Variants in TBC1D23 observed in about 807,000 individuals in gnomAD.
TBC1D23 encodes the protein TBC1 domain family member 23.
TBC1D23 carries 55 observed loss-of-function variants against 91.4 expected under a neutral mutation model. That is an observed-to-expected ratio of 0.60 (90% CI 0.48 to 0.75). The LOEUF is 0.75. Among genes scored for constraint, TBC1D23 ranks in the 30% least tolerant of loss-of-function variants. The pLI is 0.00. For synonymous variants in TBC1D23, 289 were observed against 281.0 expected, an observed-to-expected ratio of 1.03 and a Z score of -0.28; for missense variants, 725 against 836.1, an observed-to-expected ratio of 0.87 and a Z score of 1.64.
In TBC1D23 at chr3:100,287,889, G is replaced by C. The variant is rs182682888; in HGVS notation, c.477-2689G>C. Among the ~76,000 whole-genome samples, 558 of 151,802 alleles carry C rather than the reference G, an allele frequency of 3.7e-3. 5 individuals carry two copies. Among genetic ancestry groups the C allele is most frequent in the African/African-American group, 0.013 (535 of 41,394 alleles). On this transcript the variant is annotated intron_variant, in intron 4 of 18. Transcript: ENST00000394144. ...CCTCCTCAGCCTCCTGAGTAGCTGG[G>C]ACTACACGTACATGCCACTCTGCCC...
chr3:100,312,936 G>A (rs1459341214), intron 15 of TBC1D23, among the ~76,000 whole-genome samples: 4 of 151,868 alleles, frequency 2.6e-5, no homozygotes, highest in Non-Finnish European at 4.4e-5. Context: ...GGCGGATCAC[G>A]AGGTCAGGAG....
At chr3:100,263,201 G>C (rs1027836475) in intron 1 of TBC1D23, among the ~76,000 whole-genome samples, 4 of 152,194 alleles carry the variant, frequency 2.6e-5, no homozygotes, top group African/African-American at 9.7e-5. Context: ...GGGCAGAGTG[G>C]GTGTCCCAAG....
At position 100,325,119 on chromosome 3, in the gene TBC1D23, A is replaced by G. The variant is rs1277654629; in HGVS notation, c.*1451A>G. The G allele has an allele frequency of 6.6e-6, 1 of 152,206 alleles. No homozygotes were observed. Among genetic ancestry groups the G allele is most frequent in the Non-Finnish European group, 1.5e-5 (1 of 68,036 alleles). The allele number at this position is 152,206 out of a possible 1,614,324, so 9.4% of individuals were successfully genotyped here. On this transcript the variant is annotated 3_prime_UTR_variant, in exon 19 of 19. Coordinates refer to ENST00000394144, the MANE Select transcript of TBC1D23 (RefSeq NM_001199198.3). ...TTTCTTGGCACCCCTTTAGAAATGT[A>G]CTGAAGTCTCATTTTTCACCCATTT...
intron 11 of TBC1D23, among the ~76,000 whole-genome samples, chr3:100,304,217 G>C (rs1223246542): frequency 6.6e-6 from 1 of 152,028 alleles, no homozygotes; most frequent in East Asian, 1.9e-4. Context: ...ACATTCACAT[G>C]GTGTCATTTA....
chr3:100,263,489 A>C (rs2067531514), intron 1 of TBC1D23, among the ~76,000 whole-genome samples: 1 of 152,226 alleles, frequency 6.6e-6, no homozygotes, highest in Non-Finnish European at 1.5e-5. Flanking sequence ...CAAGACAACT[A>C]ATTTGTTTTG....
In TBC1D23 at chr3:100,290,657, C is replaced by G. The variant is rs2067782282; in HGVS notation, c.556C>G (p.Leu186Val). The G allele has an allele frequency of 3.7e-6, 6 of 1,612,700 alleles. No homozygotes were observed. The East Asian group carries it at 1.3e-4, about 36-fold the overall frequency. The change falls in exon 5 of 19, where the codon CTT (leucine) becomes GTT (valine). Residue 186 changes from leucine to valine, a missense_variant. Physicochemically the swap from Leu to Val is conservative, Grantham distance 32 (BLOSUM62 1). Transcript: ENST00000394144. Reference sequence around the variant, plus strand: ...CCATGAGCCTGAGCTTTGTTCTTATCTTGATACAAAGAAAATTACTCCAGA... The same window carrying G: ...CCATGAGCCTGAGCTTTGTTCTTATGTTGATACAAAGAAAATTACTCCAGA... Reference protein sequence around the residue: ...QYHEPELCSYLDTKKITPDSY... With the variant: ...QYHEPELCSYVDTKKITPDSY...
At chr3:100,318,648 T>G (rs1027992800) in intron 16 of TBC1D23, among the ~76,000 whole-genome samples, 2 of 146,986 alleles carry the variant, frequency 1.4e-5, no homozygotes, top group African/African-American at 5.1e-5. Context: ...GCGTTATTCT[T>G]TTTTTTTTTT....
At chr3:100,311,794 TA>T in intron 14 of TBC1D23, 38 bp from the exon 15 acceptor site, 1 of 1,448,816 alleles carries the variant, frequency 6.9e-7, no homozygotes, top group African/African-American at 1.4e-5. Context: ...ATTTTTTTTA[TA>T]ATCATTTTGT....
intron 13 of TBC1D23, among the ~76,000 whole-genome samples, chr3:100,309,196 CA>C (rs1243206664): frequency 1.4e-5 from 2 of 142,476 alleles, no homozygotes; most frequent in Non-Finnish European, 3.1e-5. Flanking sequence ...ACAAAAAACA[CA>C]AAAAAGAATT....
chr3:100,320,697 T>C (rs1383663291), intron 17 of TBC1D23, 80 bp from the exon 18 acceptor site: 1 of 808,794 alleles, frequency 1.2e-6, no homozygotes. Context: ...TTCTAATAAT[T>C]GAGATGGTTG....
At chr3:100,300,363 C>T (rs1705400848) in intron 10 of TBC1D23, among the ~76,000 whole-genome samples, 1 of 152,152 alleles carries the variant, frequency 6.6e-6, no homozygotes, top group Non-Finnish European at 1.5e-5. Context: ...TGAGGAAGAA[C>T]TAACAGATAT....
intron 17 of TBC1D23, 74 bp from the exon 18 acceptor site, chr3:100,320,702 TG>T (rs1162719142): frequency 6.0e-6 from 5 of 835,558 alleles, no homozygotes; most frequent in South Asian, 2.9e-5. Context: ...ATAATTGAGA[TG>T]GTTGAAACAA....
At chr3:100,295,491 C>T (rs1262786532) in intron 7 of TBC1D23, 143 bp downstream of exon 7, 4 of 621,078 alleles carry the variant, frequency 6.4e-6, no homozygotes, top group Non-Finnish European at 1.1e-5. Context: ...AAACACTCTC[C>T]AGGTACAGAC....
chr3:100,274,681 C>T lies in TBC1D23; in HGVS notation c.54-4968C>T, dbSNP rs76271269. Among the ~76,000 whole-genome samples the T allele has an allele frequency of 2.8e-3, 425 of 150,644 alleles. 2 individuals carry two copies. Among genetic ancestry groups the T allele is most frequent in the African/African-American group, 9.4e-3 (386 of 41,174 alleles). ...TTTGGGACGGATTTATTTCACTTAC[C>T]GTAATGTTGTCAAGGTTCATCTATG... On this transcript the variant is annotated intron_variant, in intron 1 of 18. Transcript: ENST00000394144.
chr3:100,311,712 ATCT>A (rs1442097248), intron 14 of TBC1D23, 118 bp from the exon 15 acceptor site: 29 of 622,528 alleles, frequency 4.7e-5, no homozygotes, highest in East Asian at 5.9e-5. Flanking sequence ...TGATGGAAAC[ATCT>A]TCTTTATAAT....
chr3:100,315,457 C>T (rs554779432), intron 15 of TBC1D23, among the ~76,000 whole-genome samples: 13 of 152,072 alleles, frequency 8.5e-5, no homozygotes, highest in African/African-American at 2.7e-4. Context: ...CCACCGCGCC[C>T]GGCCGAGGCA....
At position 100,310,461 on chromosome 3, in the gene TBC1D23, C is replaced by G. The variant is rs1227734585; in HGVS notation, c.1472C>G (p.Thr491Ser). The G allele has an allele frequency of 3.0e-5, 48 of 1,613,160 alleles. No homozygotes were observed. Among genetic ancestry groups the G allele is most frequent in the Non-Finnish European group, 4.0e-5 (47 of 1,179,502 alleles). ...RGMKSLVNKM[T>S]VALKTKSVNV... ...ATGAAATCACTAGTAAATAAAATGA[C>G]TGTGGCTTTGAAGACAAAATCCGTT... The change falls in exon 14 of 19, where the codon ACT becomes AGT. Residue 491 changes from threonine (T) to serine (S), a missense_variant. Thr to Ser is a moderately conservative substitution (Grantham distance 58). Coordinates refer to ENST00000394144, the MANE Select transcript of TBC1D23 (RefSeq NM_001199198.3).
intron 13 of TBC1D23, among the ~76,000 whole-genome samples, chr3:100,306,807 C>A (rs139554379): frequency 6.6e-6 from 1 of 152,246 alleles, no homozygotes; most frequent in Non-Finnish European, 1.5e-5. Context: ...TCTCCCTGTC[C>A]AGCTGTAGTT....
In TBC1D23 at chr3:100,310,080, T is replaced by G. The variant is rs1444135902; in HGVS notation, c.1414-323T>G. On this transcript the variant is annotated intron_variant, in intron 13 of 18. Transcript: ENST00000394144. ...GGCAGGTTTAGTTTATCCTGAGGCC[T>G]CTCTCCTTGGCTTGCAGATGGATGC... is the stretch of plus-strand genomic sequence containing the variant. Among the ~76,000 whole-genome samples, 5 of 152,218 alleles carry G rather than the reference T, an allele frequency of 3.3e-5. No homozygotes were observed. In the South Asian group the frequency reaches 1.0e-3, roughly 31 times the overall value.
Sources: gnomAD v4.1 joint callset for allele counts (sites outside exome capture counted in the v4.1 genomes callset) on GRCh38, gnomAD v4.1.1 for gene constraint, MANE v1.5 for transcripts, NCBI Gene and HGNC (gene_info 2026-07-23, HGNC 2026-07-21) for gene names.